The following TSPAN7 variants were observed in gnomAD, a reference collection of about 807,000 sequenced individuals.
The protein encoded by TSPAN7 is tetraspanin 7, also known as tetraspanin-7.
TSPAN7 carries 1 observed loss-of-function variant against 17.6 expected under a neutral mutation model. The ratio of observed to expected loss-of-function variants is 0.06; its 90% CI spans 0.02 to 0.27. TSPAN7 has a LOEUF of 0.27. TSPAN7 is among the 10% of genes least tolerant of loss of function. The probability of loss-of-function intolerance (pLI) is 1.00; values close to 1 mark genes in which losing one functional copy is unlikely to be tolerated. For synonymous variants in TSPAN7, 78 were observed against 79.0 expected, an observed-to-expected ratio of 0.99 and a Z score of 0.07; for missense variants, 112 against 201.7, an observed-to-expected ratio of 0.56 and a Z score of 2.69.
intron 1 of TSPAN7, among the ~76,000 whole-genome samples, chrX:38,662,146 G>A (rs1004363948): frequency 4.5e-5 from 5 of 111,187 alleles, no homozygotes; most frequent in African/African-American, 6.6e-5. Context: ...CCCGCCGCAC[G>A]TCCACCACCA....
At chrX:38,571,539 C>T (rs756005584) in intron 1 of TSPAN7, among the ~76,000 whole-genome samples, 5 of 110,971 alleles carry the variant, frequency 4.5e-5, no homozygotes, top group Non-Finnish European at 9.5e-5. Context: ...ATTTGGTCTT[C>T]GTTGCCTGAG....
Position 38,574,114 on chromosome X carries a change from A to T in TSPAN7, c.81+12487A>T, listed in dbSNP as rs1170692305. Among the ~76,000 whole-genome samples, 4 of 112,428 alleles carry T rather than the reference A, an allele frequency of 3.6e-5. No individual in the cohort carries two copies. In the East Asian group the frequency reaches 1.1e-3, roughly 31 times the overall value. On this transcript the variant is annotated intron_variant, in intron 1 of 7. Coordinates refer to ENST00000378482, the MANE Select transcript of TSPAN7 (RefSeq NM_004615.4). Reference sequence around the variant, plus strand: ...ACCGTTATCTTTATTAACAAAGATGATTTTCATTCAACAAATGTTAAAACC... The same window carrying T: ...ACCGTTATCTTTATTAACAAAGATGTTTTTCATTCAACAAATGTTAAAACC...
Position 38,561,712 on chromosome X carries a change from A to T in TSPAN7, c.81+85A>T, listed in dbSNP as rs185914689. 1,416 of 871,262 alleles carry T rather than the reference A, an allele frequency of 1.6e-3. 18 individuals are homozygous for T. The African/African-American group carries it at 0.026, about 16-fold the overall frequency. The allele number at this position is 871,262 out of a possible 1,213,427, so 71.8% of individuals were successfully genotyped here. On this transcript the variant is annotated intron_variant, in intron 1 of 7. Coordinates refer to ENST00000378482, the MANE Select transcript of TSPAN7 (RefSeq NM_004615.4). Reference sequence around the variant, plus strand: ...TCTGAGAAAAGAAGTGGGGAGGAAAACCCAAACCAAAAATCAAATCTGGGA... The same window carrying T: ...TCTGAGAAAAGAAGTGGGGAGGAAATCCCAAACCAAAAATCAAATCTGGGA...
At chrX:38,599,642 G>GT (rs1359695161) in intron 1 of TSPAN7, among the ~76,000 whole-genome samples, 1 of 111,218 alleles carries the variant, frequency 9.0e-6, no homozygotes, top group Non-Finnish European at 1.9e-5. Context: ...TTGCAATCAG[G>GT]TTTAATGGAG....
At chrX:38,634,598 G>A (rs1278828847) in intron 1 of TSPAN7, among the ~76,000 whole-genome samples, 2 of 111,720 alleles carry the variant, frequency 1.8e-5, no homozygotes, top group South Asian at 7.5e-4. Context: ...TCTCTGAGAT[G>A]GGCTGAGTTT....
chrX:38,612,226 C>G (rs2069423288), intron 1 of TSPAN7: 1 of 111,484 alleles, frequency 9.0e-6, no homozygotes, highest in African/African-American at 3.3e-5. Context: ...TACTGAGCGC[C>G]CAGCAGGAAT....
At chrX:38,615,343 T>C (rs750434262) in intron 1 of TSPAN7, among the ~76,000 whole-genome samples, 9 of 111,687 alleles carry the variant, frequency 8.1e-5, no homozygotes, top group Non-Finnish European at 5.7e-5. Flanking sequence ...AGCTTTTTTT[T>C]CCCCCAATGC....
At chrX:38,641,210 G>T (rs1196957897) in intron 1 of TSPAN7, among the ~76,000 whole-genome samples, 2 of 112,221 alleles carry the variant, frequency 1.8e-5, no homozygotes, top group Non-Finnish European at 3.8e-5. Context: ...CCCTCTCCAA[G>T]AATTTCTACT....
intron 1 of TSPAN7, among the ~76,000 whole-genome samples, chrX:38,601,204 G>A (rs980416996): frequency 1.8e-5 from 2 of 111,392 alleles, no homozygotes; most frequent in Admixed American, 9.6e-5. Context: ...TAGTAAGCAG[G>A]GATACTTCGC....
chrX:38,676,999 C>T (rs1352779135), intron 5 of TSPAN7, among the ~76,000 whole-genome samples: 1 of 112,119 alleles, frequency 8.9e-6, no homozygotes, highest in Non-Finnish European at 1.9e-5. Context: ...GCAAGAAGTA[C>T]TCTATGGCAG....
intron 1 of TSPAN7, among the ~76,000 whole-genome samples, chrX:38,567,488 C>A (rs2069149239): frequency 8.9e-6 from 1 of 112,383 alleles, no homozygotes. Flanking sequence ...GTCCCTCCCA[C>A]AACAAGTGGG....
chrX:38,664,982 C>G (rs960040586), intron 1 of TSPAN7, among the ~76,000 whole-genome samples: 1 of 112,283 alleles, frequency 8.9e-6, no homozygotes, highest in African/African-American at 3.2e-5. Context: ...CTTCACTGGC[C>G]CAGCCATTTG....
At chrX:38,584,084 G>T (rs188393384) in intron 1 of TSPAN7, among the ~76,000 whole-genome samples, 1 of 106,374 alleles carries the variant, frequency 9.4e-6, no homozygotes, top group Non-Finnish European at 1.9e-5. Flanking sequence ...CTTCTGAGTA[G>T]CTGGGACTAC....
intron 1 of TSPAN7, among the ~76,000 whole-genome samples, chrX:38,658,266 G>A (rs1386703465): frequency 2.7e-5 from 3 of 110,312 alleles, no homozygotes; most frequent in Non-Finnish European, 5.7e-5. Flanking sequence ...CTGCAGCCTC[G>A]ACCTCCTGGG....
chrX:38,606,186 A>G (rs2069381402), intron 1 of TSPAN7, among the ~76,000 whole-genome samples: 1 of 109,382 alleles, frequency 9.1e-6, no homozygotes, highest in African/African-American at 3.3e-5. Context: ...AATATCCAGA[A>G]TCTACAATGA....
intron 3 of TSPAN7, among the ~76,000 whole-genome samples, chrX:38,672,334 A>T (rs1207698805): frequency 9.2e-6 from 1 of 109,181 alleles, no homozygotes; most frequent in African/African-American, 3.3e-5. Context: ...TTTTTAAAAA[A>T]TTTTTCATTA....
In TSPAN7 at chrX:38,566,724, TA is replaced by T. The variant is rs201667461; in HGVS notation, c.81+5103del. On this transcript the variant is annotated intron_variant, in intron 1 of 7. Transcript: ENST00000378482. Reference sequence around the variant, plus strand: ...TTAATTAGAATTTTTTAAGCATGAATAAAAAAGATCTTGCCCTATATATATA... The same window carrying T: ...TTAATTAGAATTTTTTAAGCATGAATAAAAAGATCTTGCCCTATATATATA... 3.6e-4 allele frequency among the ~76,000 whole-genome samples: 40 copies of T among 112,086 alleles called. No homozygotes were observed. The East Asian group carries it at 0.01, about 29-fold the overall frequency.
chrX:38,626,219 TG>T (rs1479245873), intron 1 of TSPAN7, among the ~76,000 whole-genome samples: 2 of 127 alleles, frequency 0.016, no homozygotes, highest in African/African-American at 0.044. Flanking sequence ...ACAAATTTTA[TG>T]TTTCTGGCTA....
At chrX:38,661,308 A>G (rs1042362897) in intron 1 of TSPAN7, among the ~76,000 whole-genome samples, 4 of 112,826 alleles carry the variant, frequency 3.5e-5, no homozygotes, top group Non-Finnish European at 5.6e-5. Context: ...TTCTTTGAGT[A>G]TAATTTTAAA....
Sources: gnomAD v4.1 joint callset for allele counts (sites outside exome capture counted in the v4.1 genomes callset) on GRCh38, gnomAD v4.1.1 for gene constraint, MANE v1.5 for transcripts, NCBI Gene and HGNC (gene_info 2026-07-23, HGNC 2026-07-21) for gene names.